Variants in ENAH observed in about 807,000 individuals in gnomAD.
ENAH encodes the protein protein enabled homolog.
In ENAH, 23 loss-of-function variants were observed where a neutral mutation model predicts 78.7. The observed-to-expected ratio is 0.29, with a 90% CI of 0.21 to 0.41. The LOEUF is 0.41. ENAH is among the 10% of genes least tolerant of loss of function. The probability of loss-of-function intolerance (pLI) is 1.00; values close to 1 mark genes in which losing one functional copy is unlikely to be tolerated. For missense variants in ENAH, 544 were observed against 691.0 expected, an observed-to-expected ratio of 0.79 and a Z score of 2.39; for synonymous variants, 226 against 241.0, an observed-to-expected ratio of 0.94 and a Z score of 0.58.
intron 1 of ENAH, among the ~76,000 whole-genome samples, chr1:225,622,208 G>T (rs1181960077): frequency 6.6e-6 from 1 of 152,102 alleles, no homozygotes; most frequent in Non-Finnish European, 1.5e-5. Flanking sequence ...TCAAATTTGT[G>T]TTCATATGTT....
At chr1:225,504,854 A>C in intron 11 of ENAH, 2 of 496,492 alleles carry the variant, frequency 4.0e-6, no homozygotes, top group Non-Finnish European at 3.5e-6. Flanking sequence ...GTGATGGCAG[A>C]ATTTTTAAAA....
intron 1 of ENAH, among the ~76,000 whole-genome samples, chr1:225,650,848 T>TTAAAA (rs749280397): frequency 5.1e-5 from 3 of 58,934 alleles, no homozygotes; most frequent in African/African-American, 7.3e-5. Flanking sequence ...AGACTGCATT[T>TTAAAA]AAAAAAAAAA....
intron 1 of ENAH, among the ~76,000 whole-genome samples, chr1:225,622,481 T>G (rs1657166967): frequency 6.6e-6 from 1 of 152,180 alleles, no homozygotes; most frequent in African/African-American, 2.4e-5. Flanking sequence ...AAGCTATGTG[T>G]CTTAGTTGTT....
At chr1:225,619,695 G>A (rs1656449228) in intron 1 of ENAH, among the ~76,000 whole-genome samples, 2 of 152,160 alleles carry the variant, frequency 1.3e-5, no homozygotes, top group African/African-American at 4.8e-5. Context: ...TTCAGTCTCA[G>A]ACATCCCAAT....
At chr1:225,593,087 T>C (rs751261510) in intron 1 of ENAH, among the ~76,000 whole-genome samples, 18 of 152,052 alleles carry the variant, frequency 1.2e-4, no homozygotes, top group Non-Finnish European at 2.4e-4. Context: ...ATAACTACCA[T>C]ATAGCTATAA....
Position 225,514,758 on chromosome 1 carries a change from A to C in ENAH, c.1056T>G (p.Pro352=). The change falls in exon 7 of 14, where the codon CCT becomes CCG. Residue 352 remains proline, a synonymous_variant. Transcript: ENST00000366843. ...GTACTTGATTAGGGAGAGGAGGGGG[A>C]GGAGGGGGCGGTGGAGGCCCGGTGG... The part of the protein sequence containing the change: ...LPSTGPPPPP[P]PPPLPNQVPP... 1.1e-5 allele frequency: 3 copies of C among 273,502 alleles called. No homozygotes were observed. The highest frequency in any genetic ancestry group is 5.5e-5 in the South Asian group (1 of 18,222). 16.9% of individuals were successfully genotyped at this position (273,502 alleles called of 1,614,324 possible). A position where few individuals can be genotyped will look rare whatever the true frequency, so the allele number is the denominator to read the frequency against.
At chr1:225,547,235 C>T (rs143616228) in intron 3 of ENAH, among the ~76,000 whole-genome samples, 1 of 152,006 alleles carries the variant, frequency 6.6e-6, no homozygotes, top group Non-Finnish European at 1.5e-5. Context: ...CCATGCCCAG[C>T]TTATTTTCGT....
At chr1:225,589,929 A>G (rs58565704) in intron 1 of ENAH, among the ~76,000 whole-genome samples, 2,067 of 152,310 alleles carry the variant, frequency 0.014, 45 homozygotes, top group African/African-American at 0.047. Context: ...CACAGACTTC[A>G]TTAGAGGGGA....
intron 1 of ENAH, among the ~76,000 whole-genome samples, chr1:225,620,860 C>T (rs1282358322): frequency 6.6e-6 from 1 of 152,012 alleles, no homozygotes; most frequent in Non-Finnish European, 1.5e-5. Flanking sequence ...CAAAAATTAG[C>T]TGGGCATGGT....
chr1:225,514,704 T>C lies in ENAH; in HGVS notation c.1110A>G (p.Pro370=), dbSNP rs771848490. The change falls in exon 7 of 14, where the codon CCA becomes CCG. Residue 370 remains proline, a synonymous_variant. Coordinates refer to ENST00000366843, the MANE Select transcript of ENAH (RefSeq NM_018212.6). ...VPPPPPPPPA[P]PLPASGFFLA... is the part of the protein sequence containing the mutation. ...AAAAGAATCCAGATGCAGGGAGGGGTGGGGCAGGAGGTGGTGGAGGAGGAG... is the reference window on the plus strand; with the variant it reads ...AAAAGAATCCAGATGCAGGGAGGGGCGGGGCAGGAGGTGGTGGAGGAGGAG... The C allele has an allele frequency of 1.7e-6, 2 of 1,189,240 alleles. No homozygotes were observed. Among genetic ancestry groups the C allele is most frequent in the Admixed American group, 4.7e-5 (2 of 42,696 alleles). 73.7% of individuals were successfully genotyped at this position (1,189,240 alleles called of 1,614,324 possible).
chr1:225,536,724 A>T (rs2096563537), intron 3 of ENAH, among the ~76,000 whole-genome samples: 1 of 152,068 alleles, frequency 6.6e-6, no homozygotes, highest in Non-Finnish European at 1.5e-5. Flanking sequence ...AGAATTTTTC[A>T]TCATTTTTAG....
chr1:225,542,855 C>CA (rs2096596301), intron 3 of ENAH, among the ~76,000 whole-genome samples: 1 of 151,732 alleles, frequency 6.6e-6, no homozygotes, highest in South Asian at 2.1e-4. Context: ...CTCATCTCTA[C>CA]AAAAAAATTA....
At chr1:225,605,460 G>C (rs1337809558) in intron 1 of ENAH, among the ~76,000 whole-genome samples, 1 of 152,082 alleles carries the variant, frequency 6.6e-6, no homozygotes, top group African/African-American at 2.4e-5. Flanking sequence ...AAAAATTTAG[G>C]GAACTATTAA....
chr1:225,518,079 A>G, intron 5 of ENAH: 1 of 1,129,600 alleles, frequency 8.9e-7, no homozygotes, highest in Non-Finnish European at 1.2e-6. Flanking sequence ...ACCAGCATTC[A>G]GACACAATGT....
chr1:225,642,737 CTCAT>C (rs1372939539), intron 1 of ENAH, among the ~76,000 whole-genome samples: 1 of 152,004 alleles, frequency 6.6e-6, no homozygotes, highest in African/African-American at 2.4e-5. Context: ...AGTTAATATC[CTCAT>C]TATTATAAAT....
intron 1 of ENAH, among the ~76,000 whole-genome samples, chr1:225,573,727 A>T (rs562701217): frequency 4.6e-4 from 70 of 152,342 alleles, no homozygotes; most frequent in African/African-American, 1.7e-3. Context: ...AGGCAATCAA[A>T]AGGAGGAAAA....
intron 2 of ENAH, among the ~76,000 whole-genome samples, chr1:225,565,037 A>T (rs2096727790): frequency 6.6e-6 from 1 of 152,200 alleles, no homozygotes; most frequent in Non-Finnish European, 1.5e-5. Flanking sequence ...TTAAATTTTT[A>T]AATGTTTTAA....
intron 1 of ENAH, among the ~76,000 whole-genome samples, chr1:225,570,449 G>C (rs2151533225): frequency 6.6e-6 from 1 of 151,250 alleles, no homozygotes; most frequent in African/African-American, 2.4e-5. Context: ...AACTGTGCCT[G>C]CCTCCCCTTC....
chr1:225,596,960 G>C (rs1339679549), intron 1 of ENAH, among the ~76,000 whole-genome samples: 1 of 152,184 alleles, frequency 6.6e-6, no homozygotes, highest in Non-Finnish European at 1.5e-5. Context: ...AGTGGTCACA[G>C]CTGTTAGGTG....
Sources: allele counts gnomAD v4.1 joint callset (sites outside exome capture counted in the v4.1 genomes callset), GRCh38; gene constraint gnomAD v4.1.1; transcripts MANE v1.5; gene names NCBI Gene and HGNC (gene_info 2026-07-23, HGNC 2026-07-21).